CHPT1: variants seen among roughly 807,000 people sequenced by gnomAD.
CHPT1 encodes the protein cholinephosphotransferase 1.
CHPT1 carries 36 observed loss-of-function variants against 47.6 expected under a neutral mutation model. The ratio of observed to expected loss-of-function variants is 0.76; its 90% CI spans 0.58 to 1.00. The LOEUF (loss-of-function observed/expected upper bound fraction) is 1.00, where lower values mean the gene tolerates loss of function less well. Among genes scored for constraint, CHPT1 ranks in the 50% least tolerant of loss-of-function variants. The pLI, the probability that CHPT1 is intolerant of heterozygous loss-of-function variation, is 0.00. For missense variants in CHPT1, 458 were observed against 498.1 expected (o/e 0.92, Z 0.77); for synonymous variants, 194 against 186.3 (o/e 1.04, Z -0.33).
At position 101,719,521 on chromosome 12, in the gene CHPT1, A is replaced by G. The variant is rs1029764337; in HGVS notation, c.649-602A>G. 2.0e-5 allele frequency: 26 copies of G among 1,283,574 alleles called. No homozygotes were observed. In the African/African-American group the frequency reaches 3.6e-4, roughly 18 times the overall value. The allele number at this position is 1,283,574 out of a possible 1,614,324, so 79.5% of individuals were successfully genotyped here. On this transcript the variant is annotated intron_variant, in intron 4 of 8. Transcript: ENST00000229266. ...TGAACAGCAGTTGACCAACAGGTAAATATATTGCTAGAGATTTAATCCTGG... is the reference window on the plus strand; with the variant it reads ...TGAACAGCAGTTGACCAACAGGTAAGTATATTGCTAGAGATTTAATCCTGG...
At chr12:101,719,642 T>C in intron 4 of CHPT1, 1 of 480,828 alleles carries the variant, frequency 2.1e-6, no homozygotes, top group Non-Finnish European at 3.3e-6. Context: ...GTGATGCTAC[T>C]TTTTAGAAGC....
intron 1 of CHPT1, among the ~76,000 whole-genome samples, chr12:101,703,526 C>T (rs1351490378): frequency 1.3e-5 from 2 of 152,226 alleles, no homozygotes; most frequent in Non-Finnish European, 2.9e-5. Flanking sequence ...TGGATGTGCT[C>T]TTCTCAAATG....
At chr12:101,712,504 C>T (rs1489529731) in intron 1 of CHPT1, among the ~76,000 whole-genome samples, 1 of 148,600 alleles carries the variant, frequency 6.7e-6, no homozygotes, top group Non-Finnish European at 1.5e-5. Flanking sequence ...GCCCCATCCG[C>T]TCTTTTCTCT....
chr12:101,702,560 A>G (rs1266384904), intron 1 of CHPT1, among the ~76,000 whole-genome samples: 2 of 152,114 alleles, frequency 1.3e-5, no homozygotes, highest in African/African-American at 4.8e-5. Flanking sequence ...TGTACTACAT[A>G]TTGCCTTTGT....
intron 1 of CHPT1, among the ~76,000 whole-genome samples, chr12:101,700,849 T>C (rs1027369029): frequency 4.0e-4 from 61 of 152,320 alleles, no homozygotes; most frequent in African/African-American, 1.4e-3. Context: ...AGCCCAGAGA[T>C]GTCAAGTGAC....
In CHPT1 at chr12:101,697,815, C is replaced by G; in HGVS notation, c.-47C>G. ...CTCCACCTCTCCCTGCCCCCAGCGC[C>G]AGGCGCGGGCTGCGCTCGGTGGCGG... is the stretch of plus-strand genomic sequence containing the variant. On this transcript the variant is annotated 5_prime_UTR_variant, in exon 1 of 9. Coordinates refer to ENST00000229266, the MANE Select transcript of CHPT1 (RefSeq NM_020244.3). 1.3e-6 allele frequency: 1 copy of G among 778,336 alleles called. No homozygotes were observed. Among genetic ancestry groups the G allele is most frequent in the Non-Finnish European group, 1.6e-6 (1 of 631,242 alleles). The allele number at this position is 778,336 out of a possible 1,614,324, so 48.2% of individuals were successfully genotyped here.
chr12:101,714,777 A>G, intron 3 of CHPT1, 132 bp downstream of exon 3: 1 of 828,600 alleles, frequency 1.2e-6, no homozygotes, highest in Non-Finnish European at 1.8e-6. Context: ...CGGAGTACTC[A>G]TAAATGCTAC....
intron 8 of CHPT1, 133 bp downstream of exon 8, chr12:101,726,537 C>T: frequency 7.9e-7 from 1 of 1,273,346 alleles, no homozygotes; most frequent in South Asian, 2.1e-5. Context: ...GAATATAAAA[C>T]ATAAACCCTG....
intron 3 of CHPT1, among the ~76,000 whole-genome samples, chr12:101,715,431 A>G (rs1316051829): frequency 6.6e-6 from 1 of 152,222 alleles, no homozygotes; most frequent in East Asian, 1.9e-4. Flanking sequence ...CATTTAGCAG[A>G]GGGCAGGCTT....
intron 4 of CHPT1, 62 bp from the exon 5 acceptor site, chr12:101,720,061 T>C: frequency 8.6e-7 from 1 of 1,166,774 alleles, no homozygotes; most frequent in Admixed American, 2.5e-5. Context: ...TATGTTTCTT[T>C]ATTATTTAAT....
In CHPT1 at chr12:101,713,955, C is replaced by T. The variant is rs138362139; in HGVS notation, c.274-135C>T. 3.7e-3 allele frequency: 2,009 copies of T among 538,090 alleles called. 35 individuals carry two copies. Among genetic ancestry groups the T allele is most frequent in the African/African-American group, 0.034 (1,769 of 51,800 alleles). The allele number at this position is 538,090 out of a possible 1,614,324, so 33.3% of individuals were successfully genotyped here. On this transcript the variant is annotated intron_variant, in intron 1 of 8. Coordinates refer to ENST00000229266, the MANE Select transcript of CHPT1 (RefSeq NM_020244.3). ...GTTAATTTGATTTCTCAATTTAATT[C>T]GCATCTGTAGAATGAGGGTTAGAAA...
At chr12:101,705,878 C>A (rs111307762) in intron 1 of CHPT1, among the ~76,000 whole-genome samples, 29,876 of 141,132 alleles carry the variant, frequency 0.21, 3,432 homozygotes, top group Middle Eastern at 0.28. Context: ...GGCATGCACC[C>A]CCACGCCCGG....
At position 101,710,628 on chromosome 12, in the gene CHPT1, C is replaced by T. The variant is rs558910799; in HGVS notation, c.274-3462C>T. ...TCATTTCCCTTTTCTAAATTAAGAGCGGGATATAATTTGGGGTAGAGTCAC... is the reference window on the plus strand; with the variant it reads ...TCATTTCCCTTTTCTAAATTAAGAGTGGGATATAATTTGGGGTAGAGTCAC... On this transcript the variant is annotated intron_variant, in intron 1 of 8. Transcript: ENST00000229266. Among the ~76,000 whole-genome samples, 56 of 148,622 alleles carry T rather than the reference C, an allele frequency of 3.8e-4. 7 individuals are homozygous for T. Among genetic ancestry groups the T allele is most frequent in the Admixed American group, 7.5e-4 (11 of 14,590 alleles).
intron 1 of CHPT1, among the ~76,000 whole-genome samples, chr12:101,710,361 A>G (rs1219887254): frequency 6.7e-6 from 1 of 149,014 alleles, no homozygotes; most frequent in Non-Finnish European, 1.5e-5. Flanking sequence ...AAAAAAAGGA[A>G]AGAAAAGAAG....
intron 3 of CHPT1, chr12:101,715,128 G>T (rs1470448151): frequency 6.6e-6 from 1 of 152,488 alleles, no homozygotes; most frequent in Non-Finnish European, 1.5e-5. Context: ...TAATGTAAAA[G>T]CACCTTGTAA....
chr12:101,710,636 A>T (rs1454955118), intron 1 of CHPT1, among the ~76,000 whole-genome samples: 1 of 148,774 alleles, frequency 6.7e-6, no homozygotes, highest in East Asian at 2.0e-4. Flanking sequence ...AGCGGGATAT[A>T]ATTTGGGGTA....
intron 1 of CHPT1, among the ~76,000 whole-genome samples, chr12:101,706,965 T>C (rs549240264): frequency 6.6e-6 from 1 of 152,338 alleles, no homozygotes; most frequent in East Asian, 1.9e-4. Flanking sequence ...TTCCTTATAT[T>C]TGTATACCTG....
Position 101,728,955 on chromosome 12 carries a change from C to T in CHPT1, c.*10C>T, listed in dbSNP as rs773376056. The T allele has an allele frequency of 3.7e-6, 6 of 1,613,328 alleles. No homozygotes were observed. The highest frequency in any genetic ancestry group is 1.3e-5 in the African/African-American group (1 of 74,886). ...GAATAACATGGATTGAAGAGACTTC[C>T]GAACACTTGCTATCTCTTGCTGCTG... is the stretch of plus-strand genomic sequence containing the variant. On this transcript the variant is annotated 3_prime_UTR_variant, in exon 9 of 9. Transcript: ENST00000229266.
intron 1 of CHPT1, among the ~76,000 whole-genome samples, chr12:101,701,833 A>G (rs963456284): frequency 1.3e-5 from 2 of 152,238 alleles, no homozygotes; most frequent in Admixed American, 1.3e-4. Context: ...CAGGAATGAA[A>G]TAACACAATG....
Sources: allele counts gnomAD v4.1 joint callset (sites outside exome capture counted in the v4.1 genomes callset), GRCh38; gene constraint gnomAD v4.1.1; transcripts MANE v1.5; gene names NCBI Gene and HGNC (gene_info 2026-07-23, HGNC 2026-07-21).